MYL3: variants seen among roughly 807,000 people sequenced by gnomAD.
MYL3 encodes CMLC1.
A neutral mutation model predicts 21.3 loss-of-function variants in MYL3; 11 were observed. The observed-to-expected ratio is 0.52, with a 90% CI of 0.32 to 0.85. The LOEUF is 0.85. Ranked by LOEUF, MYL3 falls within the 40% of genes least tolerant of loss-of-function variation. The pLI is 0.03. For missense variants in MYL3, 206 were observed against 253.3 expected, an observed-to-expected ratio of 0.81 and a Z score of 1.27; for synonymous variants, 88 against 91.6, an observed-to-expected ratio of 0.96 and a Z score of 0.22.
rs1454584564 is a variant in MYL3, at chr3:46,859,446, G to C, written c.481+29C>G. 6.2e-7 allele frequency: 1 copy of C among 1,613,758 alleles called. No homozygotes were observed. The highest frequency in any genetic ancestry group is 8.5e-7 in the Non-Finnish European group (1 of 1,179,892). ...TTCTCCCAGGATGTCCCTGGAAGGA[G>C]TTGGGGTAGGGGAGGAGGCTGCCCT... is the stretch of plus-strand genomic sequence containing the variant. On this transcript the variant is annotated intron_variant, in intron 4 of 6. Transcript: ENST00000292327. This position sits in a 1 kb window ranked among gnomAD's most constrained non-coding sequence, Gnocchi z 4.1.
At position 46,861,056 on chromosome 3, in the gene MYL3, C is replaced by T. The variant is rs56817407; in HGVS notation, c.130-69G>A. On this transcript the variant is annotated intron_variant, in intron 1 of 6. Transcript: ENST00000292327. The surrounding 1 kb of genome is among the most constrained non-coding windows in gnomAD (Gnocchi z 4.2). ...GGGGCCACACCTCCTCCTGGGCACTCGGTGGCCAGCCCAGAATGTCAACTG... is the reference window on the plus strand; with the variant it reads ...GGGGCCACACCTCCTCCTGGGCACTTGGTGGCCAGCCCAGAATGTCAACTG... The T allele has an allele frequency of 1.1e-4, 164 of 1,547,790 alleles. No individual in the cohort carries two copies. In the African/African-American group the frequency reaches 1.7e-3, roughly 16 times the overall value.
At chr3:46,867,391 C>T (rs551510062), upstream of MYL3, among the ~76,000 whole-genome samples, 70 of 152,284 alleles carry the variant, frequency 4.6e-4, no homozygotes, top group Non-Finnish European at 7.9e-4. Context: ...GAAGGGGCAC[C>T]GGGGGGTCAC....
rs1290499618 is a variant in MYL3 at position 46,879,129 on chromosome 3, G to C, written c.-218+2945C>G. ...ATGATCTGTGGCCCCACCCACAGCT[G>C]TGGAATGTCCAGCAGGGGACTCTGG... On this transcript the variant is annotated intron_variant, in intron 1 of 3. Transcript: ENST00000431168. The surrounding 1 kb of genome is among the most constrained non-coding windows in gnomAD (Gnocchi z 4.7). Among the ~76,000 whole-genome samples the C allele has an allele frequency of 6.6e-6, 1 of 152,192 alleles. No individual in the cohort carries two copies. Among genetic ancestry groups the C allele is most frequent in the Non-Finnish European group, 1.5e-5 (1 of 68,030 alleles).
chr3:46,860,895 A>G lies in MYL3; in HGVS notation c.157+65T>C. On this transcript the variant is annotated intron_variant, in intron 2 of 6. Coordinates refer to ENST00000292327, the MANE Select transcript of MYL3 (RefSeq NM_000258.3). This position sits in a 1 kb window ranked among gnomAD's most constrained non-coding sequence, Gnocchi z 4.6. ...CTACCCCACTCCCCACACCCCTGGC[A>G]GGACCCTCAGACCAGGGAACCCCAG... is the stretch of plus-strand genomic sequence containing the variant. 4.3e-6 allele frequency: 7 copies of G among 1,614,056 alleles called. No homozygotes were observed. The highest frequency in any genetic ancestry group is 5.9e-6 in the Non-Finnish European group (7 of 1,179,934).
At chr3:46,871,959 G>C (rs753387108) in intron 1 of MYL3, among the ~76,000 whole-genome samples, 2 of 152,216 alleles carry the variant, frequency 1.3e-5, no homozygotes, top group Non-Finnish European at 2.9e-5. Flanking sequence ...GGGTTGGGTT[G>C]GCTGGGGAGA....
chr3:46,875,737 C>T (rs1474981827), intron 1 of MYL3, among the ~76,000 whole-genome samples: 1 of 152,230 alleles, frequency 6.6e-6, no homozygotes, highest in Non-Finnish European at 1.5e-5. Context: ...TCATGCCCCA[C>T]CTGCTGCCCA....
At position 46,863,332 on chromosome 3, in the gene MYL3, G is replaced by A. The variant is rs1016864366; in HGVS notation, c.59C>T (p.Ala20Val). ...KDDAKAAPKA[A>V]PAPAPPPEPE... ...CTCAGGGGGAGGTGCGGGAGCTGGA[G>A]CTGCCTTGGGGGCTGCCTTGGCATC... is the stretch of plus-strand genomic sequence containing the variant. The change falls in exon 1 of 7, where the codon GCT becomes GTT. Residue 20 changes from alanine (A) to valine (V), a missense_variant. Physicochemically the swap from Ala to Val is moderately conservative, Grantham distance 64. Coordinates refer to ENST00000292327, the MANE Select transcript of MYL3 (RefSeq NM_000258.3). The A allele has an allele frequency of 6.2e-7, 1 of 1,613,894 alleles. No homozygotes were observed. The highest frequency in any genetic ancestry group is 1.3e-5 in the African/African-American group (1 of 74,948).
At chr3:46,864,623 T>A (rs778235514), upstream of MYL3, among the ~76,000 whole-genome samples, 8 of 152,210 alleles carry the variant, frequency 5.3e-5, no homozygotes, top group Non-Finnish European at 7.3e-5. The surrounding 1 kb of genome is among the most constrained non-coding windows in gnomAD (Gnocchi z 4.7). Flanking sequence ...CATGTTGCCC[T>A]CTGCCGACCC....
At chr3:46,876,936 T>G (rs2106930800) in intron 1 of MYL3, among the ~76,000 whole-genome samples, 1 of 152,260 alleles carries the variant, frequency 6.6e-6, no homozygotes, top group African/African-American at 2.4e-5. Context: ...TGCCCACATC[T>G]TCATCCTGAG....
rs2030432183 is a variant in MYL3, at chr3:46,879,612, T to C, written c.-218+2462A>G. Among the ~76,000 whole-genome samples the C allele has an allele frequency of 6.6e-6, 1 of 152,110 alleles. No homozygotes were observed. Among genetic ancestry groups the C allele is most frequent in the Non-Finnish European group, 1.5e-5 (1 of 68,032 alleles). On this transcript the variant is annotated intron_variant, in intron 1 of 3. Transcript: ENST00000431168. The surrounding 1 kb of genome is among the most constrained non-coding windows in gnomAD (Gnocchi z 4.7). ...AAATTTTTTAATTACCCAGGTGTGG[T>C]AGCTCATGCCTGTGGTGCCAGCTAC...
rs914797535 is a variant in MYL3, at chr3:46,863,225, C to T, written c.129+37G>A. On this transcript the variant is annotated intron_variant, in intron 1 of 6. Coordinates refer to ENST00000292327, the MANE Select transcript of MYL3 (RefSeq NM_000258.3). ...TCCACTCTGGGATCCACTCACTTGCCCTGCTCCTATTGCCACCACCCAGCT... is the reference window on the plus strand; with the variant it reads ...TCCACTCTGGGATCCACTCACTTGCTCTGCTCCTATTGCCACCACCCAGCT... The T allele has an allele frequency of 5.0e-6, 8 of 1,613,182 alleles. No homozygotes were observed. In the African/African-American group the frequency reaches 5.3e-5, roughly 11 times the overall value.
chr3:46,867,719 C>T (rs1032759553), upstream of MYL3, among the ~76,000 whole-genome samples: 1 of 152,242 alleles, frequency 6.6e-6, no homozygotes, highest in Non-Finnish European at 1.5e-5. Context: ...GCCCACACTT[C>T]CCGGAGGAGT....
chr3:46,871,114 C>T (rs1408380084), intron 1 of MYL3, among the ~76,000 whole-genome samples: 1 of 152,196 alleles, frequency 6.6e-6, no homozygotes, highest in Non-Finnish European at 1.5e-5. Context: ...ACCTAATGCA[C>T]CACATCTTTT....
At chr3:46,871,571 T>C (rs72895880) in intron 1 of MYL3, among the ~76,000 whole-genome samples, 2,366 of 152,028 alleles carry the variant, frequency 0.016, 65 homozygotes, top group African/African-American at 0.052. Flanking sequence ...GGAGAGATGG[T>C]TGGGAGACAG....
upstream of MYL3, among the ~76,000 whole-genome samples, chr3:46,865,162 G>T (rs1702036136): frequency 6.6e-6 from 1 of 152,210 alleles, no homozygotes; most frequent in Non-Finnish European, 1.5e-5. The surrounding 1 kb of genome is among the most constrained non-coding windows in gnomAD (Gnocchi z 4.3). Flanking sequence ...GCCTCACAGG[G>T]AGGGACAGCA....
Position 46,858,256 on chromosome 3 carries a change from G to A in MYL3, c.576C>T (p.Ile192=). ...CTGGGCACGAGGTTTAGCTGGACATGATGTGCTTCACAAATGCTGGAAAGA... is the reference window on the plus strand; with the variant it reads ...CTGGGCACGAGGTTTAGCTGGACATAATGTGCTTCACAAATGCTGGAAAGA... ...CINYEAFVKH[I]MSS Residue 192 remains isoleucine, a synonymous_variant, in exon 6 of 7, where the codon ATC becomes ATT. Transcript: ENST00000292327. The A allele has an allele frequency of 6.2e-7, 1 of 1,614,196 alleles. No individual in the cohort carries two copies. Among genetic ancestry groups the A allele is most frequent in the South Asian group, 1.1e-5 (1 of 91,078 alleles).
intron 1 of MYL3, among the ~76,000 whole-genome samples, chr3:46,870,496 C>A (rs1057426730): frequency 2.6e-5 from 4 of 152,072 alleles, no homozygotes; most frequent in Admixed American, 6.5e-5. Flanking sequence ...ACACCCAGGG[C>A]TCTCCCCACT....
In MYL3 at chr3:46,860,795, C is replaced by G. The variant is rs139354105; in HGVS notation, c.188G>C (p.Arg63Pro). 4 of 1,614,056 alleles carry G rather than the reference C, an allele frequency of 2.5e-6. No individual in the cohort carries two copies. The highest frequency in any genetic ancestry group is 3.4e-6 in the Non-Finnish European group (4 of 1,180,006). ...EFKEAFMLFDRTPKCEMKITY... is the reference protein window; with the variant it reads ...EFKEAFMLFDPTPKCEMKITY... The stretch of plus-strand genomic sequence containing the variant: ...GATCTTCATCTCACACTTGGGTGTG[C>G]GGTCGAACAGCATGAAGGCTTCCTT... Residue 63 changes from arginine to proline, a missense_variant, in exon 3 of 7, where the codon CGC (arginine) becomes CCC (proline). By Grantham distance (103) the Arg-to-Pro change is moderately radical. Transcript: ENST00000292327. This position sits in a 1 kb window ranked among gnomAD's most constrained non-coding sequence, Gnocchi z 4.6.
upstream of MYL3, chr3:46,863,594 T>C (rs1702014939): frequency 3.5e-6 from 2 of 574,496 alleles, no homozygotes; most frequent in Non-Finnish European, 6.2e-6. Flanking sequence ...TTGTTCAGGC[T>C]CAGGAATGGG....
Sources: gnomAD v4.1 joint callset for allele counts (sites outside exome capture counted in the v4.1 genomes callset) on GRCh38, gnomAD v4.1.1 for gene constraint, Gnocchi (gnomAD v3.1) non-coding constraint, MANE v1.5 for transcripts, NCBI Gene and HGNC (gene_info 2026-07-23, HGNC 2026-07-21) for gene names.